ZFPM1: variants seen among roughly 807,000 people sequenced by gnomAD.
ZFPM1 encodes the protein zinc finger protein ZFPM1.
In ZFPM1, 28 loss-of-function variants were observed where a neutral mutation model predicts 46.3. That is an observed-to-expected ratio of 0.60 (90% CI 0.45 to 0.83). ZFPM1 has a LOEUF of 0.83. Ranked by LOEUF, ZFPM1 falls within the 40% of genes least tolerant of loss-of-function variation. The probability of loss-of-function intolerance (pLI) is 0.00; values close to 1 mark genes in which losing one functional copy is unlikely to be tolerated. For missense variants in ZFPM1, 1,878 were observed against 1,432.4 expected (o/e 1.31, Z -5.02); for synonymous variants, 957 against 675.9 (o/e 1.42, Z -6.45).
At chr16:88,488,812 T>C (rs114460701) in intron 2 of ZFPM1, among the ~76,000 whole-genome samples, 3 of 152,174 alleles carry the variant, frequency 2.0e-5, no homozygotes, top group Non-Finnish European at 4.4e-5. Flanking sequence ...AACAATTATC[T>C]TTGAAGCAAT....
Position 88,533,261 on chromosome 16 carries a change from G to A in ZFPM1, c.1303G>A (p.Glu435Lys). 3.2e-6 allele frequency: 5 copies of A among 1,547,998 alleles called. No individual in the cohort carries two copies. Among genetic ancestry groups the A allele is most frequent in the South Asian group, 1.2e-5 (1 of 84,842 alleles). ...AGGACTGGACAGAAAGGCCCTGGCC[G>A]AGGCCACCAACGGAGAGGCCAGAGC... ...SPGLDRKALAEATNGEARAEP... is the reference protein window; with the variant it reads ...SPGLDRKALAKATNGEARAEP... Residue 435 changes from glutamate to lysine, a missense_variant, in exon 10 of 10, where the codon GAG (glutamate) becomes AAG (lysine). Transcript: ENST00000319555.
intron 1 of ZFPM1, among the ~76,000 whole-genome samples, chr16:88,484,838 G>A (rs1909129735): frequency 6.6e-6 from 1 of 152,240 alleles, no homozygotes; most frequent in African/African-American, 2.4e-5. Context: ...CCACTGTGGG[G>A]TCCGGAGCAG....
intron 4 of ZFPM1, 76 bp from the exon 5 acceptor site, chr16:88,526,738 C>T: frequency 6.8e-7 from 1 of 1,470,572 alleles, no homozygotes; most frequent in Non-Finnish European, 9.2e-7. Context: ...GTCACAGATG[C>T]CCCACATACT....
At chr16:88,492,526 A>T (rs1222245938) in intron 3 of ZFPM1, among the ~76,000 whole-genome samples, 1 of 152,142 alleles carries the variant, frequency 6.6e-6, no homozygotes, top group Admixed American at 6.5e-5. Context: ...CTGCATGTGG[A>T]TGGGACCCGG....
intron 4 of ZFPM1, among the ~76,000 whole-genome samples, chr16:88,524,075 T>A (rs1266468170): frequency 6.6e-6 from 1 of 152,206 alleles, no homozygotes; most frequent in Non-Finnish European, 1.5e-5. Flanking sequence ...GCTGTCAGTC[T>A]CAGTTTGAGG....
At chr16:88,500,030 C>T (rs1251402997) in intron 3 of ZFPM1, among the ~76,000 whole-genome samples, 5 of 152,224 alleles carry the variant, frequency 3.3e-5, no homozygotes, top group African/African-American at 1.2e-4. Flanking sequence ...CACCACCTTC[C>T]GGGAGAGGCT....
chr16:88,534,305 C>T lies in ZFPM1; in HGVS notation c.2347C>T (p.Pro783Ser), dbSNP rs947173594. 7 of 1,298,628 alleles carry T rather than the reference C, an allele frequency of 5.4e-6. No homozygotes were observed. The highest frequency in any genetic ancestry group is 3.8e-5 in the Admixed American group (1 of 26,280). The allele number at this position is 1,298,628 out of a possible 1,614,324, so 80.4% of individuals were successfully genotyped here. ...AAGCGGAAGCGGCCCCGGCCTCGCC[C>T]CTGCGCGCTCGCCCGGCCCCGCGGC... The part of the protein sequence containing the change: ...SGSGSGPGLA[P>S]ARSPGPAADG... Residue 783 changes from proline (P) to serine (S), a missense_variant, in exon 10 of 10, where the codon CCT becomes TCT. Transcript: ENST00000319555.
chr16:88,498,821 A>G (rs1456156485), intron 3 of ZFPM1, among the ~76,000 whole-genome samples: 3 of 152,220 alleles, frequency 2.0e-5, no homozygotes, highest in African/African-American at 7.2e-5. Flanking sequence ...CAGAGGTCGC[A>G]GGCTCTGGCT....
At chr16:88,526,255 C>A (rs1013830483) in intron 4 of ZFPM1, among the ~76,000 whole-genome samples, 2 of 152,180 alleles carry the variant, frequency 1.3e-5, no homozygotes, top group Non-Finnish European at 2.9e-5. Context: ...GCCATGCTGT[C>A]AGGAGGACAC....
At chr16:88,489,913 G>A (rs980844372) in intron 3 of ZFPM1, among the ~76,000 whole-genome samples, 12 of 150,408 alleles carry the variant, frequency 8.0e-5, no homozygotes, top group African/African-American at 2.2e-4. Context: ...GGCCAAGGCC[G>A]TCATGGGAGC....
chr16:88,533,952 G>C lies in ZFPM1; in HGVS notation c.1994G>C (p.Gly665Ala). The change falls in exon 10 of 10, where the codon GGC (glycine) becomes GCC (alanine). Residue 665 changes from glycine to alanine, a missense_variant. Gly to Ala is a moderately conservative substitution (Grantham distance 60). Transcript: ENST00000319555. ...GGCGCGGGCGGCCGGGGCAGCGAGG[G>C]CAGCCAGAGCCCGGGTAGCTCCGTG... ...EDGAGGRGSE[G>A]SQSPGSSVDD... The C allele has an allele frequency of 7.8e-7, 1 of 1,288,046 alleles. No individual in the cohort carries two copies. 79.8% of individuals were successfully genotyped at this position (1,288,046 alleles called of 1,614,324 possible).
chr16:88,468,010 A>G (rs115282460), intron 1 of ZFPM1, among the ~76,000 whole-genome samples: 7,716 of 59,376 alleles, frequency 0.13, 886 homozygotes, highest in African/African-American at 0.36. Flanking sequence ...CGAGCCCCCC[A>G]CCGCCCCTCA....
rs1438349121 is a variant in ZFPM1 at position 88,536,424 on chromosome 16, T to G, written c.*1445T>G. 1 of 152,256 alleles carries G rather than the reference T, an allele frequency of 6.6e-6. No individual in the cohort carries two copies. The allele number at this position is 152,256 out of a possible 1,614,324, so 9.4% of individuals were successfully genotyped here. A position where few individuals can be genotyped will look rare whatever the true frequency, so the allele number is the denominator to read the frequency against. ...CCTGACCTCCAGTGCTCCTGCAGCC[T>G]CAGCCTCCCAGAACATTAGGATGAC... is the stretch of plus-strand genomic sequence containing the variant. On this transcript the variant is annotated 3_prime_UTR_variant, in exon 10 of 10. Transcript: ENST00000319555.
chr16:88,505,926 G>A (rs959174961), intron 3 of ZFPM1, among the ~76,000 whole-genome samples: 1 of 152,122 alleles, frequency 6.6e-6, no homozygotes, highest in Admixed American at 6.5e-5. Flanking sequence ...GGCACCCCCC[G>A]CACCCCCAGC....
At chr16:88,527,188 G>A (rs1220287811) in intron 5 of ZFPM1, among the ~76,000 whole-genome samples, 1 of 152,180 alleles carries the variant, frequency 6.6e-6, no homozygotes, top group Non-Finnish European at 1.5e-5. Flanking sequence ...TGCCCCTCTG[G>A]GGGACACCGT....
rs368081963 is a variant in ZFPM1, at chr16:88,458,808, G to C, written c.40+5130G>C. On this transcript the variant is annotated intron_variant, in intron 1 of 9. Coordinates refer to ENST00000319555, the MANE Select transcript of ZFPM1 (RefSeq NM_153813.3). ...GCTACAGCCACAGGTCTGCTCTCCA[G>C]ACCTCGTCTGCCACCCTACACTCAG... Among the ~76,000 whole-genome samples the C allele has an allele frequency of 2.2e-4, 33 of 152,244 alleles. 1 individual carries two copies. The highest frequency in any genetic ancestry group is 1.6e-3 in the East Asian group (8 of 5,154).
intron 3 of ZFPM1, among the ~76,000 whole-genome samples, chr16:88,504,986 C>T (rs1173088850): frequency 1.3e-5 from 2 of 152,238 alleles, no homozygotes; most frequent in Non-Finnish European, 2.9e-5. Flanking sequence ...GCGGTCCCAG[C>T]TCTGCCATTA....
At chr16:88,455,668 C>T (rs1271027548) in intron 1 of ZFPM1, among the ~76,000 whole-genome samples, 1 of 152,102 alleles carries the variant, frequency 6.6e-6, no homozygotes, top group Non-Finnish European at 1.5e-5. Flanking sequence ...CGCAGCTGCC[C>T]GCGCCTCTGT....
intron 4 of ZFPM1, among the ~76,000 whole-genome samples, chr16:88,523,773 CT>C (rs1912087100): frequency 6.6e-6 from 1 of 152,192 alleles, no homozygotes; most frequent in Admixed American, 6.5e-5. Flanking sequence ...TCTTGCACCC[CT>C]AGGTCTCCTA....
Sources: allele counts gnomAD v4.1 joint callset (sites outside exome capture counted in the v4.1 genomes callset), GRCh38; gene constraint gnomAD v4.1.1; transcripts MANE v1.5; gene names NCBI Gene and HGNC (gene_info 2026-07-23, HGNC 2026-07-21).